Variants in LPP observed in about 807,000 individuals in gnomAD.
The protein encoded by LPP is LIM domain containing preferred translocation partner in lipoma.
A neutral mutation model predicts 60.4 loss-of-function variants in LPP; 38 were observed. The ratio of observed to expected loss-of-function variants is 0.63; its 90% CI spans 0.49 to 0.83. The LOEUF (loss-of-function observed/expected upper bound fraction) is 0.83, where lower values mean the gene tolerates loss of function less well. Ranked by LOEUF, LPP falls within the 40% of genes least tolerant of loss-of-function variation. The pLI is 0.00. For missense variants in LPP, 902 were observed against 783.6 expected, an observed-to-expected ratio of 1.15 and a Z score of -1.80; for synonymous variants, 328 against 290.8, an observed-to-expected ratio of 1.13 and a Z score of -1.30.
chr3:188,392,725 C>T (rs1779994555), intron 3 of LPP, among the ~76,000 whole-genome samples: 1 of 151,970 alleles, frequency 6.6e-6, no homozygotes, highest in Admixed American at 6.6e-5. Flanking sequence ...CTGGGACCAT[C>T]CTGGCCAGAT....
intron 1 of LPP, among the ~76,000 whole-genome samples, chr3:188,209,965 G>A (rs1734263171): frequency 6.6e-6 from 1 of 152,020 alleles, no homozygotes; most frequent in Admixed American, 6.6e-5. Context: ...AACAACCAGA[G>A]TGACTGTGGG....
chr3:188,610,961 T>C lies in LPP; in HGVS notation c.1113+1117T>C, dbSNP rs2151397248. The stretch of plus-strand genomic sequence containing the variant: ...ATGGATTGGGTAGAAGTTTGGACTG[T>C]ATTTTTAAAAATTCTTTCCACATTT... On this transcript the variant is annotated intron_variant, in intron 7 of 11. Coordinates refer to ENST00000617246, the MANE Select transcript of LPP (RefSeq NM_001375462.1). The surrounding 1 kb of genome is among the most constrained non-coding windows in gnomAD (Gnocchi z 4.4). Among the ~76,000 whole-genome samples, 1 of 152,360 alleles carries C rather than the reference T, an allele frequency of 6.6e-6. No individual in the cohort carries two copies. Among genetic ancestry groups the C allele is most frequent in the African/African-American group, 2.4e-5 (1 of 41,588 alleles).
intron 2 of LPP, among the ~76,000 whole-genome samples, chr3:188,338,881 G>A (rs569510406): frequency 6.6e-6 from 1 of 152,150 alleles, no homozygotes; most frequent in African/African-American, 2.4e-5. Flanking sequence ...GTGAGGTGTG[G>A]TGGAAAATTC....
intron 8 of LPP, among the ~76,000 whole-genome samples, chr3:188,729,755 T>C (rs1560124425): frequency 6.6e-6 from 1 of 151,870 alleles, no homozygotes; most frequent in East Asian, 1.9e-4. Context: ...GGTGGGAGGA[T>C]TGCTTGAGCC....
intron 9 of LPP, among the ~76,000 whole-genome samples, chr3:188,858,472 A>G (rs1764349208): frequency 6.6e-6 from 1 of 152,180 alleles, no homozygotes; most frequent in Non-Finnish European, 1.5e-5. Flanking sequence ...AATAAACTAA[A>G]TGTTCTATAA....
At chr3:188,646,305 A>G (rs1341668405) in intron 7 of LPP, among the ~76,000 whole-genome samples, 1 of 152,162 alleles carries the variant, frequency 6.6e-6, no homozygotes, top group East Asian at 1.9e-4. Flanking sequence ...CTGGAGCATA[A>G]TATGGTAAAC....
At chr3:188,605,233 T>C (rs921128087) in intron 6 of LPP, among the ~76,000 whole-genome samples, 1 of 152,116 alleles carries the variant, frequency 6.6e-6, no homozygotes, top group Non-Finnish European at 1.5e-5. Flanking sequence ...GAATTCATAA[T>C]GAAAAATGGT....
chr3:188,338,420 T>C (rs1485644113), intron 2 of LPP, among the ~76,000 whole-genome samples: 3 of 152,244 alleles, frequency 2.0e-5, no homozygotes, highest in Non-Finnish European at 4.4e-5. Flanking sequence ...TTTATTTTAA[T>C]AAATGTTAGG....
At chr3:188,635,648 T>C (rs1036437342) in intron 7 of LPP, among the ~76,000 whole-genome samples, 1 of 152,172 alleles carries the variant, frequency 6.6e-6, no homozygotes, top group Admixed American at 6.5e-5. Flanking sequence ...TGTATCAGAA[T>C]CTAGAAGTTC....
At chr3:188,408,824 A>G (rs1474116916) in intron 4 of LPP, among the ~76,000 whole-genome samples, 1 of 151,406 alleles carries the variant, frequency 6.6e-6, no homozygotes, top group Non-Finnish European at 1.5e-5. Flanking sequence ...TGCTTGGAGT[A>G]TGTTTCTGAA....
At chr3:188,833,375 C>T (rs1035536721) in intron 9 of LPP, among the ~76,000 whole-genome samples, 2 of 152,218 alleles carry the variant, frequency 1.3e-5, no homozygotes, top group African/African-American at 4.8e-5. Flanking sequence ...TGTCATCAAA[C>T]TTAGTTGCTA....
intron 6 of LPP, among the ~76,000 whole-genome samples, chr3:188,608,038 G>A (rs1298135395): frequency 6.6e-6 from 1 of 152,116 alleles, no homozygotes; most frequent in African/African-American, 2.4e-5. Context: ...TGAATAGTGT[G>A]TCTCTCCCTG....
rs1553836310 is a variant in LPP, at chr3:188,760,435, T to TGCGCGC, written c.1410+156_1410+157insCGCGCG. Among the ~76,000 whole-genome samples the TGCGCGC allele has an allele frequency of 6.2e-3, 942 of 151,188 alleles. 15 individuals are homozygous for TGCGCGC. Among genetic ancestry groups the TGCGCGC allele is most frequent in the African/African-American group, 0.022 (892 of 40,936 alleles). On this transcript the variant is annotated intron_variant, in intron 9 of 11. Transcript: ENST00000617246. ...GTGTGTGTGTGTGTGTGTGTGTGTG[T>TGCGCGC]GCGTGCGCGCATGTAAATTAGCATA...
At chr3:188,658,122 A>ATTAGTTTGGTTTAGTTTAGTTTAGT (rs1853728601) in intron 7 of LPP, among the ~76,000 whole-genome samples, 2 of 4,196 alleles carry the variant, frequency 4.8e-4, no homozygotes, top group Admixed American at 3.2e-3. Context: ...TTCTGAAGTT[A>ATTAGTTTGGTTTAGTTTAGTTTAGT]TTAGTTTAGT....
At chr3:188,546,867 A>G (rs1826788828) in intron 6 of LPP, among the ~76,000 whole-genome samples, 1 of 151,450 alleles carries the variant, frequency 6.6e-6, no homozygotes. Context: ...TGTAAACTTC[A>G]TCAAACCAAC....
intron 3 of LPP, among the ~76,000 whole-genome samples, chr3:188,388,794 A>G (rs555145162): frequency 6.6e-6 from 1 of 152,334 alleles, no homozygotes; most frequent in East Asian, 1.9e-4. Context: ...TTAAGTTTAC[A>G]CCTGAGGTCC....
At chr3:188,279,944 C>CT (rs1368751872) in intron 2 of LPP, among the ~76,000 whole-genome samples, 19 of 152,332 alleles carry the variant, frequency 1.2e-4, no homozygotes, top group African/African-American at 4.6e-4. Flanking sequence ...AATGGCTCCT[C>CT]TTTCCTACCT....
intron 6 of LPP, among the ~76,000 whole-genome samples, chr3:188,591,031 T>C (rs1005240810): frequency 2.0e-5 from 3 of 152,186 alleles, no homozygotes; most frequent in African/African-American, 7.2e-5. Context: ...CCTTTTATAT[T>C]TCCTCCTTCC....
At chr3:188,683,709 C>T (rs1860030859) in intron 7 of LPP, among the ~76,000 whole-genome samples, 1 of 152,146 alleles carries the variant, frequency 6.6e-6, no homozygotes, top group Admixed American at 6.5e-5. Context: ...AATGTGTCGT[C>T]AGGAAATCAG....
Sources: gnomAD v4.1 joint callset for allele counts (sites outside exome capture counted in the v4.1 genomes callset) on GRCh38, gnomAD v4.1.1 for gene constraint, Gnocchi (gnomAD v3.1) non-coding constraint, MANE v1.5 for transcripts, NCBI Gene and HGNC (gene_info 2026-07-23, HGNC 2026-07-21) for gene names.